CRIM1: variants seen among roughly 807,000 people sequenced by gnomAD.
CRIM1 encodes cysteine rich transmembrane BMP regulator 1.
Under a neutral mutation model 116.4 loss-of-function variants are expected in CRIM1, and 32 were observed. That is an observed-to-expected ratio of 0.27 (90% CI 0.21 to 0.37). The LOEUF (loss-of-function observed/expected upper bound fraction) is 0.37, where lower values mean the gene tolerates loss of function less well. Among genes scored for constraint, CRIM1 ranks in the 10% least tolerant of loss-of-function variants. The probability of loss-of-function intolerance (pLI) is 1.00; values close to 1 mark genes in which losing one functional copy is unlikely to be tolerated. For missense variants in CRIM1, 1,331 were observed against 1,354.8 expected, an observed-to-expected ratio of 0.98 and a Z score of 0.28; for synonymous variants, 590 against 509.2, an observed-to-expected ratio of 1.16 and a Z score of -2.13.
At chr2:36,537,305 T>G (rs1343849015) in intron 13 of CRIM1, 47 bp from the exon 14 acceptor site, 1 of 1,536,714 alleles carries the variant, frequency 6.5e-7, no homozygotes, top group African/African-American at 1.4e-5. Flanking sequence ...TAAGATCGTG[T>G]GCGTTGTCAC....
In CRIM1 at chr2:36,543,702, T is replaced by TAA. The variant is rs11418660; in HGVS notation, c.2624-670_2624-669dup. Among the ~76,000 whole-genome samples, 11 of 148,658 alleles carry TAA rather than the reference T, an allele frequency of 7.4e-5. 1 individual carries two copies. Among genetic ancestry groups the TAA allele is most frequent in the African/African-American group, 1.5e-4 (6 of 38,838 alleles). On this transcript the variant is annotated intron_variant, in intron 14 of 16. Coordinates refer to ENST00000280527, the MANE Select transcript of CRIM1 (RefSeq NM_016441.3). ...GAAAAGTTCTGATTTTTTTTTTTTT[T>TAA]AAAAAGACCTGATATTTGAGATAAA... is the stretch of plus-strand genomic sequence containing the variant.
In CRIM1 at chr2:36,441,279, A is replaced by G; in HGVS notation, c.527A>G (p.Lys176Arg). Residue 176 changes from lysine to arginine, a missense_variant, in exon 3 of 17, where the codon AAG (lysine) becomes AGG (arginine). By Grantham distance (26) the Lys-to-Arg change is conservative. Transcript: ENST00000280527. Reference sequence around the variant, plus strand: ...TTAGAAGAGAAGCCAGATTGCTCCAAGGCCCGCTGTGAAGTCCAGTTCTCT... The same window carrying G: ...TTAGAAGAGAAGCCAGATTGCTCCAGGGCCCGCTGTGAAGTCCAGTTCTCT... The part of the protein sequence containing the change: ...RIEEEKPDCS[K>R]ARCEVQFSPR... 1.2e-6 allele frequency: 2 copies of G among 1,614,174 alleles called. No individual in the cohort carries two copies. The highest frequency in any genetic ancestry group is 1.7e-6 in the Non-Finnish European group (2 of 1,180,020).
chr2:36,431,047 T>A (rs1425895767), intron 2 of CRIM1, among the ~76,000 whole-genome samples: 1 of 152,178 alleles, frequency 6.6e-6, no homozygotes, highest in African/African-American at 2.4e-5. Flanking sequence ...GTAAAACTTT[T>A]GGCATGTAAG....
intron 7 of CRIM1, among the ~76,000 whole-genome samples, chr2:36,489,917 T>C (rs1415765025): frequency 6.6e-6 from 1 of 152,132 alleles, no homozygotes; most frequent in Non-Finnish European, 1.5e-5. Context: ...AGTCAAAATG[T>C]AGAACAATGA....
rs192586200 is a variant in CRIM1 at position 36,468,228 on chromosome 2, A to T, written c.991+3573A>T. 3.9e-5 allele frequency among the ~76,000 whole-genome samples: 6 copies of T among 152,324 alleles called. No homozygotes were observed. In the East Asian group the frequency reaches 1.2e-3, roughly 29 times the overall value. ...TCCTATGCTGCCATCCATGTGATCCATATGCTTATGTTTTTTTCTTTTTAA... is the reference window on the plus strand; with the variant it reads ...TCCTATGCTGCCATCCATGTGATCCTTATGCTTATGTTTTTTTCTTTTTAA... On this transcript the variant is annotated intron_variant, in intron 5 of 16. Transcript: ENST00000280527.
rs957075785 is a variant in CRIM1, at chr2:36,549,706, T to C, written c.*1005T>C. 1.3e-5 allele frequency: 2 copies of C among 152,488 alleles called. No individual in the cohort carries two copies. The highest frequency in any genetic ancestry group is 4.8e-5 in the African/African-American group (2 of 41,436). 9.4% of individuals were successfully genotyped at this position (152,488 alleles called of 1,614,324 possible). A position where few individuals can be genotyped will look rare whatever the true frequency, so the allele number is the denominator to read the frequency against. On this transcript the variant is annotated 3_prime_UTR_variant, in exon 17 of 17. Transcript: ENST00000280527. ...CAAAATAGAAACTACTTCATTTTAA[T>C]TGTATATTATTCAAGCACCTTTGTT...
At chr2:36,426,418 A>G (rs1010973970) in intron 2 of CRIM1, among the ~76,000 whole-genome samples, 12 of 152,226 alleles carry the variant, frequency 7.9e-5, no homozygotes, top group Non-Finnish European at 1.3e-4. Context: ...AATCCCTAGC[A>G]TGTATCAATA....
rs530904024 is a variant in CRIM1, at chr2:36,367,309, G to T, written c.331+10686G>T. Among the ~76,000 whole-genome samples the T allele has an allele frequency of 5.3e-5, 8 of 152,286 alleles. No individual in the cohort carries two copies. The South Asian group carries it at 1.7e-3, about 32-fold the overall frequency. On this transcript the variant is annotated intron_variant, in intron 1 of 16. Transcript: ENST00000280527. ...TAATCAAGACTGTGACTGTATTTGT[G>T]TATATCCTAGCTTGTTTCAGAAAGG...
intron 1 of CRIM1, among the ~76,000 whole-genome samples, chr2:36,370,536 A>G (rs1490703814): frequency 3.3e-5 from 5 of 152,200 alleles, no homozygotes; most frequent in Non-Finnish European, 5.9e-5. Context: ...GAGATAAAGT[A>G]TTTACATGCT....
At position 36,398,099 on chromosome 2, in the gene CRIM1, T is replaced by G. The variant is rs113681157; in HGVS notation, c.505+1312T>G. 6.3e-3 allele frequency among the ~76,000 whole-genome samples: 964 copies of G among 152,352 alleles called. 10 individuals are homozygous for G. Among genetic ancestry groups the G allele is most frequent in the African/African-American group, 0.022 (928 of 41,582 alleles). ...ACTTCAGTATGTAAACATTTAGGGA[T>G]ATAGATGACGTGATCACATGTCTGT... On this transcript the variant is annotated intron_variant, in intron 2 of 16. Coordinates refer to ENST00000280527, the MANE Select transcript of CRIM1 (RefSeq NM_016441.3).
chr2:36,547,979 G>GCTAA (rs1278853032), intron 16 of CRIM1, among the ~76,000 whole-genome samples: 2 of 152,088 alleles, frequency 1.3e-5, no homozygotes, highest in Non-Finnish European at 2.9e-5. Context: ...ATTCTGTCCT[G>GCTAA]CGGTTATCCT....
At chr2:36,473,867 G>A (rs1030570013) in intron 5 of CRIM1, among the ~76,000 whole-genome samples, 1 of 151,946 alleles carries the variant, frequency 6.6e-6, no homozygotes, top group Non-Finnish European at 1.5e-5. Context: ...CATTTCTCTT[G>A]GGTATATACC....
At chr2:36,437,672 C>T (rs1385297216) in intron 2 of CRIM1, among the ~76,000 whole-genome samples, 2 of 152,116 alleles carry the variant, frequency 1.3e-5, no homozygotes, top group African/African-American at 2.4e-5. Context: ...CCCTTCTAGC[C>T]GTCAAACTCT....
At chr2:36,540,040 G>C (rs1666840781) in intron 14 of CRIM1, among the ~76,000 whole-genome samples, 1 of 152,148 alleles carries the variant, frequency 6.6e-6, no homozygotes, top group Non-Finnish European at 1.5e-5. Context: ...AGCAGGTGCA[G>C]AGGGCCTAGC....
At chr2:36,361,468 A>G (rs1558498011) in intron 1 of CRIM1, among the ~76,000 whole-genome samples, 1 of 152,120 alleles carries the variant, frequency 6.6e-6, no homozygotes, top group Non-Finnish European at 1.5e-5. Context: ...CAGCTGGGTG[A>G]GGCAGGGGAT....
In CRIM1 at chr2:36,512,517, T is replaced by G; in HGVS notation, c.1780+123T>G. Reference sequence around the variant, plus strand: ...CTGCCTATTCTAACACAAATGTCAGTCTCTGTGGGACCGTCCCACAGGACT... The same window carrying G: ...CTGCCTATTCTAACACAAATGTCAGGCTCTGTGGGACCGTCCCACAGGACT... On this transcript the variant is annotated intron_variant, in intron 10 of 16. Coordinates refer to ENST00000280527, the MANE Select transcript of CRIM1 (RefSeq NM_016441.3). The G allele has an allele frequency of 1.3e-5, 14 of 1,080,140 alleles. No homozygotes were observed. In the South Asian group the frequency reaches 2.3e-4, roughly 18 times the overall value. The allele number at this position is 1,080,140 out of a possible 1,614,324, so 66.9% of individuals were successfully genotyped here.
chr2:36,391,358 G>A (rs1445043831), intron 1 of CRIM1, among the ~76,000 whole-genome samples: 1 of 151,574 alleles, frequency 6.6e-6, no homozygotes, highest in Non-Finnish European at 1.5e-5. Context: ...TCGATCTCCT[G>A]ACCTCGTGAT....
chr2:36,535,064 CAT>C (rs1248186094), intron 13 of CRIM1, among the ~76,000 whole-genome samples: 3 of 138,180 alleles, frequency 2.2e-5, no homozygotes, highest in Non-Finnish European at 4.6e-5. Context: ...TCATTATTCT[CAT>C]GTGTATGGAG....
chr2:36,359,180 A>G (rs1353079772), intron 1 of CRIM1, among the ~76,000 whole-genome samples: 2 of 152,330 alleles, frequency 1.3e-5, no homozygotes, highest in South Asian at 4.1e-4. Context: ...ATTCATGTTG[A>G]AGTCTCTTTT....
Sources: gnomAD v4.1 joint callset for allele counts (sites outside exome capture counted in the v4.1 genomes callset) on GRCh38, gnomAD v4.1.1 for gene constraint, MANE v1.5 for transcripts, NCBI Gene and HGNC (gene_info 2026-07-23, HGNC 2026-07-21) for gene names.